SLC45A4: variants seen among roughly 807,000 people sequenced by gnomAD.
The protein encoded by SLC45A4 is polyamine-transporter SLC45A4.
A neutral mutation model predicts 63.7 loss-of-function variants in SLC45A4; 32 were observed. The ratio of observed to expected loss-of-function variants is 0.50; its 90% confidence interval spans 0.38 to 0.67. The LOEUF is 0.67. SLC45A4 is among the 30% of genes least tolerant of loss of function. The probability of loss-of-function intolerance (pLI) is 0.00; values close to 1 mark genes in which losing one functional copy is unlikely to be tolerated. For missense variants in SLC45A4, 1,027 were observed against 1,157.7 expected (o/e 0.89, Z 1.64); for synonymous variants, 535 against 510.0 (o/e 1.05, Z -0.66).
intron 1 of SLC45A4, among the ~76,000 whole-genome samples, chr8:141,287,402 T>C (rs960859717): frequency 1.3e-5 from 2 of 152,014 alleles, no homozygotes; most frequent in Non-Finnish European, 2.9e-5. Flanking sequence ...CAAGAGGAAA[T>C]AACCCACACG....
intron 2 of SLC45A4, among the ~76,000 whole-genome samples, chr8:141,238,845 C>T (rs28368589): frequency 0.36 from 55,040 of 152,048 alleles, 10,301 homozygotes; most frequent in East Asian, 0.66. Flanking sequence ...CAGGCTGCCC[C>T]GCCCTGAGGA....
chr8:141,296,859 T>A (rs989512462), intron 1 of SLC45A4, among the ~76,000 whole-genome samples: 34 of 111,192 alleles, frequency 3.1e-4, no homozygotes, highest in South Asian at 8.4e-4. Flanking sequence ...AAAAAAAAAG[T>A]GGAGGGAAAG....
At chr8:141,266,516 A>G (rs1247751407) in intron 1 of SLC45A4, among the ~76,000 whole-genome samples, 1 of 152,328 alleles carries the variant, frequency 6.6e-6, no homozygotes, top group South Asian at 2.1e-4. Context: ...GGAGAGGAAC[A>G]CTAACAGCAG....
rs1270903638 is a variant in SLC45A4 at position 141,221,761 on chromosome 8, A to G, written c.246T>C (p.Leu82=). ...AGGTGAGGCTGTAGTACTGCTCCGG[A>G]AGGCCTGCAAGGGACACGAGGGCCG... The part of the protein sequence containing the change: ...LVTPILLQIG[L]PEQYYSLTWF... The change falls in exon 3 of 9, where the codon CTT becomes CTC. Residue 82 remains leucine (L), a synonymous_variant. Transcript: ENST00000517878. 1 of 1,612,604 alleles carries G rather than the reference A, an allele frequency of 6.2e-7. No homozygotes were observed.
rs144337567 is a variant in SLC45A4, at chr8:141,233,069, T to C, written c.242-11304A>G. 5.7e-3 allele frequency among the ~76,000 whole-genome samples: 870 copies of C among 152,362 alleles called. 13 individuals are homozygous for C. The highest frequency in any genetic ancestry group is 0.02 in the African/African-American group (826 of 41,584). ...CGAAAGGGAGTCGGGCATTAGGAAGTGCTAAGTGCGCGTTAACTTTGCTAA... is the reference window on the plus strand; with the variant it reads ...CGAAAGGGAGTCGGGCATTAGGAAGCGCTAAGTGCGCGTTAACTTTGCTAA... On this transcript the variant is annotated intron_variant, in intron 2 of 8. Transcript: ENST00000517878.
Position 141,219,784 on chromosome 8 carries a change from A to G in SLC45A4, c.476T>C (p.Val159Ala). The change falls in exon 4 of 9, where the codon GTG becomes GCG. Residue 159 changes from valine (V) to alanine (A), a missense_variant. Physicochemically the swap from Val to Ala is moderately conservative, Grantham distance 64. Coordinates refer to ENST00000517878, the MANE Select transcript of SLC45A4 (RefSeq NM_001286646.2). ...DVPNRQPIGI[V>A]LTVLGVVVLD... The stretch of plus-strand genomic sequence containing the variant: ...GACCACCACTCCCAGCACCGTGAGC[A>G]CGATGCCAATGGGCTGCCGGTTGGG... 6.3e-7 allele frequency: 1 copy of G among 1,598,008 alleles called. No individual in the cohort carries two copies. Among genetic ancestry groups the G allele is most frequent in the Non-Finnish European group, 8.5e-7 (1 of 1,173,032 alleles).
At chr8:141,221,972 G>A (rs916270744) in intron 2 of SLC45A4, among the ~76,000 whole-genome samples, 3 of 152,264 alleles carry the variant, frequency 2.0e-5, no homozygotes, top group Non-Finnish European at 4.4e-5. Context: ...GTAAGCATCA[G>A]ATGGCCAGAG....
chr8:141,284,005 G>C (rs958840043), intron 1 of SLC45A4, among the ~76,000 whole-genome samples: 4 of 152,182 alleles, frequency 2.6e-5, no homozygotes, highest in Non-Finnish European at 5.9e-5. Context: ...AAGTCTTCCT[G>C]CTCATCCTAA....
At chr8:141,279,024 G>A (rs1302783874) in intron 1 of SLC45A4, among the ~76,000 whole-genome samples, 1 of 152,218 alleles carries the variant, frequency 6.6e-6, no homozygotes, top group Non-Finnish European at 1.5e-5. Context: ...GGCTTGGCTG[G>A]GCCTGGCTTC....
At chr8:141,270,643 C>G (rs1829486570) in intron 1 of SLC45A4, among the ~76,000 whole-genome samples, 1 of 152,134 alleles carries the variant, frequency 6.6e-6, no homozygotes, top group Non-Finnish European at 1.5e-5. Context: ...TGCACTCTAG[C>G]CAGGGTGACA....
rs533057654 is a variant in SLC45A4 at position 141,231,199 on chromosome 8, G to C, written c.242-9434C>G. Among the ~76,000 whole-genome samples, 13 of 152,358 alleles carry C rather than the reference G, an allele frequency of 8.5e-5. No individual in the cohort carries two copies. The South Asian group carries it at 2.7e-3, about 32-fold the overall frequency. On this transcript the variant is annotated intron_variant, in intron 2 of 8. Transcript: ENST00000517878. ...TGCGGAGGGTGGGATGAAGGGCACAGTGTGGGAAGGAGCGCCGGAGACAGG... is the reference window on the plus strand; with the variant it reads ...TGCGGAGGGTGGGATGAAGGGCACACTGTGGGAAGGAGCGCCGGAGACAGG...
At chr8:141,295,987 G>GGAAA (rs1286735531) in intron 1 of SLC45A4, among the ~76,000 whole-genome samples, 1 of 152,182 alleles carries the variant, frequency 6.6e-6, no homozygotes, top group East Asian at 1.9e-4. Flanking sequence ...CTGGCCCCTA[G>GGAAA]GAAACAGGCT....
intron 8 of SLC45A4, 30 bp from the exon 9 acceptor site, chr8:141,211,727 T>C (rs1212338539): frequency 1.3e-6 from 2 of 1,512,514 alleles, no homozygotes; most frequent in African/African-American, 1.4e-5. Flanking sequence ...TAAAAATATT[T>C]TAGTCACTGA....
At chr8:141,222,478 G>A (rs1174419812) in intron 2 of SLC45A4, among the ~76,000 whole-genome samples, 2 of 148,510 alleles carry the variant, frequency 1.3e-5, no homozygotes, top group Non-Finnish European at 3.0e-5. Context: ...ATTGCAGACA[G>A]AGAAACTGAA....
rs567618633 is a variant in SLC45A4, at chr8:141,240,339, A to G, written c.241+13650T>C. Among the ~76,000 whole-genome samples the G allele has an allele frequency of 3.9e-5, 6 of 152,262 alleles. No individual in the cohort carries two copies. The South Asian group carries it at 1.2e-3, about 32-fold the overall frequency. On this transcript the variant is annotated intron_variant, in intron 2 of 8. Coordinates refer to ENST00000517878, the MANE Select transcript of SLC45A4 (RefSeq NM_001286646.2). ...CAAAAGAACGCCCCTTTTTTCTTTT[A>G]CATGATTTTCCTTTTCCCCTGAGTA...
At chr8:141,296,705 G>T (rs35675837) in intron 1 of SLC45A4, among the ~76,000 whole-genome samples, 37 of 146,682 alleles carry the variant, frequency 2.5e-4, no homozygotes, top group Middle Eastern at 3.8e-3. Context: ...GTGTGGTGGC[G>T]CACACCTGTG....
intron 2 of SLC45A4, 147 bp from the exon 3 acceptor site, chr8:141,221,912 T>G: frequency 1.3e-6 from 1 of 779,280 alleles, no homozygotes; most frequent in Non-Finnish European, 2.0e-6. Flanking sequence ...CGGGGTAGAC[T>G]TTCCTTTTTC....
In SLC45A4 at chr8:141,221,044, C is replaced by T. The variant is rs986146998; in HGVS notation, c.430+533G>A. Among the ~76,000 whole-genome samples the T allele has an allele frequency of 6.6e-5, 10 of 152,388 alleles. No individual in the cohort carries two copies. The East Asian group carries it at 1.5e-3, about 24-fold the overall frequency. On this transcript the variant is annotated intron_variant, in intron 3 of 8. Coordinates refer to ENST00000517878, the MANE Select transcript of SLC45A4 (RefSeq NM_001286646.2). ...TCCCTCAGCTCCCTCCGCATCAGTG[C>T]AGGCCCGGGGCAAGTTCCTCTAGTT...
chr8:141,237,842 T>C (rs574995161), intron 2 of SLC45A4, among the ~76,000 whole-genome samples: 2 of 152,314 alleles, frequency 1.3e-5, no homozygotes, highest in South Asian at 4.1e-4. Context: ...CTGGGCACAA[T>C]GCCCAGCATC....
Sources: gnomAD v4.1 joint callset for allele counts (sites outside exome capture counted in the v4.1 genomes callset) on GRCh38, gnomAD v4.1.1 for gene constraint, MANE v1.5 for transcripts, NCBI Gene and HGNC (gene_info 2026-07-23, HGNC 2026-07-21) for gene names.